The following KLF7 variants were observed in gnomAD, a reference collection of about 807,000 sequenced individuals.
KLF7 encodes KLF transcription factor 7.
Under a neutral mutation model 27.3 loss-of-function variants are expected in KLF7, and 2 were observed. The observed-to-expected ratio is 0.07, with a 90% CI of 0.03 to 0.23. The LOEUF is 0.23. Among genes scored for constraint, KLF7 ranks in the 10% least tolerant of loss-of-function variants. The probability of loss-of-function intolerance (pLI) is 1.00; values close to 1 mark genes in which losing one functional copy is unlikely to be tolerated. For synonymous variants in KLF7, 165 were observed against 162.4 expected, an observed-to-expected ratio of 1.02 and a Z score of -0.12; for missense variants, 221 against 394.1, an observed-to-expected ratio of 0.56 and a Z score of 3.72.
At chr2:207,133,597 T>A (rs1229755347) in intron 1 of KLF7, among the ~76,000 whole-genome samples, 1 of 152,164 alleles carries the variant, frequency 6.6e-6, no homozygotes, top group African/African-American at 2.4e-5. Context: ...AAAGAGCAGT[T>A]TTCTTGACGA....
At chr2:207,163,219 G>A (rs1041740527) in intron 1 of KLF7, among the ~76,000 whole-genome samples, 24 of 152,324 alleles carry the variant, frequency 1.6e-4, no homozygotes, top group African/African-American at 5.5e-4. Flanking sequence ...TTGTTTATTA[G>A]TGCTTCCCCA....
In KLF7 at chr2:207,079,355, G is replaced by C. The variant is rs922752225; in HGVS notation, c.*1858C>G. 1.3e-5 allele frequency: 2 copies of C among 152,152 alleles called. No individual in the cohort carries two copies. Among genetic ancestry groups the C allele is most frequent in the African/African-American group, 4.8e-5 (2 of 41,422 alleles). 9.4% of individuals were successfully genotyped at this position (152,152 alleles called of 1,614,324 possible). ...GTTTTGCATCCCAAATATGTATGGG[G>C]TGGCATTTTAACAGTCAATGAGTCA... On this transcript the variant is annotated 3_prime_UTR_variant, in exon 4 of 4. Coordinates refer to ENST00000309446, the MANE Select transcript of KLF7 (RefSeq NM_003709.4).
chr2:207,086,489 T>G (rs562262035), intron 3 of KLF7, among the ~76,000 whole-genome samples: 3 of 152,364 alleles, frequency 2.0e-5, no homozygotes, highest in Admixed American at 6.5e-5. Flanking sequence ...ACAAATACCA[T>G]GTTGCAGAAT....
intron 2 of KLF7, among the ~76,000 whole-genome samples, chr2:207,102,955 G>A (rs2076801584): frequency 6.6e-6 from 1 of 152,154 alleles, no homozygotes; most frequent in East Asian, 1.9e-4. Flanking sequence ...TTGAGACAGA[G>A]TCTCGCTCTG....
In KLF7 at chr2:207,077,490, A is replaced by G. The variant is rs907659940; in HGVS notation, c.*3723T>C. On this transcript the variant is annotated 3_prime_UTR_variant, in exon 4 of 4. Transcript: ENST00000309446. Reference sequence around the variant, plus strand: ...CACAAGAGGTGCAGGTGGAGAGGAGATGGCGTCGAGAGAAGAGGATATTTG... The same window carrying G: ...CACAAGAGGTGCAGGTGGAGAGGAGGTGGCGTCGAGAGAAGAGGATATTTG... The G allele has an allele frequency of 6.6e-6, 1 of 152,216 alleles. No homozygotes were observed. The highest frequency in any genetic ancestry group is 2.4e-5 in the African/African-American group (1 of 41,434). The allele number at this position is 152,216 out of a possible 1,614,324, so 9.4% of individuals were successfully genotyped here.
At chr2:207,130,229 C>A (rs1032649671) in intron 1 of KLF7, among the ~76,000 whole-genome samples, 1 of 152,074 alleles carries the variant, frequency 6.6e-6, no homozygotes, top group Non-Finnish European at 1.5e-5. Context: ...ACTCATCATT[C>A]TTTCATTCAA....
intron 2 of KLF7, among the ~76,000 whole-genome samples, chr2:207,089,521 C>A (rs1423667482): frequency 1.3e-5 from 2 of 152,072 alleles, no homozygotes; most frequent in Non-Finnish European, 2.9e-5. Flanking sequence ...GTATGGTGGA[C>A]TGGTTCTAAT....
At chr2:207,090,451 T>A (rs1029252272) in intron 2 of KLF7, among the ~76,000 whole-genome samples, 1 of 152,224 alleles carries the variant, frequency 6.6e-6, no homozygotes, top group Non-Finnish European at 1.5e-5. Context: ...AGCTTATTAA[T>A]AAATCCATGT....
At chr2:207,085,194 G>T (rs1442162442) in intron 3 of KLF7, among the ~76,000 whole-genome samples, 3 of 100,548 alleles carry the variant, frequency 3.0e-5, no homozygotes, top group Non-Finnish European at 6.4e-5. Context: ...AAAAAAAAAA[G>T]GCACACTAAC....
At chr2:207,106,800 C>G (rs1411057325) in intron 2 of KLF7, among the ~76,000 whole-genome samples, 1 of 152,094 alleles carries the variant, frequency 6.6e-6, no homozygotes, top group Non-Finnish European at 1.5e-5. Context: ...CGGAAATAGG[C>G]TGAAAGCACA....
chr2:207,142,590 A>T (rs2077973911), intron 1 of KLF7, among the ~76,000 whole-genome samples: 1 of 152,032 alleles, frequency 6.6e-6, no homozygotes, highest in Non-Finnish European at 1.5e-5. Context: ...GAACCCACTC[A>T]CTCTCCCTGC....
intron 2 of KLF7, among the ~76,000 whole-genome samples, chr2:207,119,698 T>C (rs1390623063): frequency 2.0e-5 from 3 of 151,952 alleles, no homozygotes; most frequent in African/African-American, 7.3e-5. Flanking sequence ...CATATGTCCA[T>C]TTTTTTTAAT....
At chr2:207,147,269 C>T (rs901437723) in intron 1 of KLF7, among the ~76,000 whole-genome samples, 1 of 152,100 alleles carries the variant, frequency 6.6e-6, no homozygotes, top group African/African-American at 2.4e-5. Flanking sequence ...CACAGGATAA[C>T]ATAAGTGGTC....
Position 207,094,569 on chromosome 2 carries a change from C to A in KLF7, c.734-5988G>T, listed in dbSNP as rs941506863. On this transcript the variant is annotated intron_variant, in intron 2 of 3. Transcript: ENST00000309446. Reference sequence around the variant, plus strand: ...CAATTGCTTTCACATCACACTCAGTCGCACTAGAGAATTTAAGCAAGCTGG... The same window carrying A: ...CAATTGCTTTCACATCACACTCAGTAGCACTAGAGAATTTAAGCAAGCTGG... Among the ~76,000 whole-genome samples, 59 of 152,256 alleles carry A rather than the reference C, an allele frequency of 3.9e-4. 1 individual carries two copies. Among genetic ancestry groups the A allele is most frequent in the African/African-American group, 1.4e-3 (57 of 41,542 alleles).
intron 1 of KLF7, among the ~76,000 whole-genome samples, chr2:207,147,769 C>G (rs1223470688): frequency 6.6e-6 from 1 of 152,180 alleles, no homozygotes; most frequent in East Asian, 1.9e-4. Context: ...TTGGGAGAAG[C>G]TGGCGAAGCT....
chr2:207,110,159 T>C (rs1292652421), intron 2 of KLF7: 1 of 154,824 alleles, frequency 6.5e-6, no homozygotes, highest in Non-Finnish European at 1.5e-5. Flanking sequence ...ACATAAAGTA[T>C]GTGTCCATTA....
intron 1 of KLF7, among the ~76,000 whole-genome samples, chr2:207,144,114 G>C (rs952865949): frequency 6.6e-6 from 1 of 150,422 alleles, no homozygotes; most frequent in African/African-American, 2.5e-5. Flanking sequence ...GCAATGTAGA[G>C]AGGCTCCCAT....
intron 3 of KLF7, 29 bp from the exon 4 acceptor site, chr2:207,081,293 G>A (rs768780731): frequency 3.8e-6 from 6 of 1,585,676 alleles, no homozygotes; most frequent in Non-Finnish European, 5.2e-6. Flanking sequence ...AAGGATATTA[G>A]AGAACTCCCA....
At position 207,078,604 on chromosome 2, in the gene KLF7, A is replaced by T. The variant is rs1462059745; in HGVS notation, c.*2609T>A. 6.6e-6 allele frequency: 1 copy of T among 152,266 alleles called. No individual in the cohort carries two copies. Among genetic ancestry groups the T allele is most frequent in the Non-Finnish European group, 1.5e-5 (1 of 68,048 alleles). 9.4% of individuals were successfully genotyped at this position (152,266 alleles called of 1,614,324 possible). ...AGAACATTTGCAAATCGTGGTGGCC[A>T]TGGCTTAATGCCATCACTGGCGTGT... is the stretch of plus-strand genomic sequence containing the variant. On this transcript the variant is annotated 3_prime_UTR_variant, in exon 4 of 4. Transcript: ENST00000309446.
Sources: allele counts gnomAD v4.1 joint callset (sites outside exome capture counted in the v4.1 genomes callset), GRCh38; gene constraint gnomAD v4.1.1; transcripts MANE v1.5; gene names NCBI Gene and HGNC (gene_info 2026-07-23, HGNC 2026-07-21).